Variants in CFAP276 observed in about 807,000 individuals in gnomAD.
CFAP276 encodes the protein cilia and flagella associated protein 276.
At chr1:109,108,155 T>C in the CFAP276 span, 1 of 786,270 alleles carries the variant, frequency 1.3e-6, no homozygotes, top group East Asian at 2.5e-5. Context: ...TTTTGTTTTA[T>C]TTTTTGAGAC....
chr1:109,107,851 C>G, the CFAP276 span: 14 of 1,297,522 alleles, frequency 1.1e-5, no homozygotes, highest in Admixed American at 2.2e-4. Context: ...GCATTCCACC[C>G]TGGGTGACAG....
chr1:109,105,953 C>T, the CFAP276 span: 1 of 1,107,770 alleles, frequency 9.0e-7, no homozygotes, highest in South Asian at 1.5e-5. Flanking sequence ...CTTCAGACTT[C>T]ATCTTGCACA....
chr1:109,112,710 G>T, the CFAP276 span: 10 of 1,547,844 alleles, frequency 6.5e-6, no homozygotes, highest in Non-Finnish European at 7.9e-6. Flanking sequence ...TAAGAGGGAT[G>T]GGAGGCCCGC....
the CFAP276 span, chr1:109,106,475 G>A: frequency 6.4e-7 from 1 of 1,574,170 alleles, no homozygotes; most frequent in Non-Finnish European, 8.7e-7. Flanking sequence ...CTGATTCATG[G>A]GTCCATTTAG....
the CFAP276 span, among the ~76,000 whole-genome samples, chr1:109,111,624 C>T: frequency 6.6e-6 from 1 of 152,190 alleles, no homozygotes; most frequent in Non-Finnish European, 1.5e-5. Flanking sequence ...CACTCCAGCC[C>T]TTCTAGACTA....
chr1:109,113,451 A>AGAGAGAGAGT, the CFAP276 span, among the ~76,000 whole-genome samples: 6 of 120,452 alleles, frequency 5.0e-5, no homozygotes, highest in East Asian at 1.4e-3. Flanking sequence ...AGAGAGAGAG[A>AGAGAGAGAGT]GAGAGAGAGA....
the CFAP276 span, chr1:109,106,900 G>T: frequency 2.1e-6 from 2 of 939,016 alleles, no homozygotes; most frequent in Non-Finnish European, 3.3e-6. Flanking sequence ...ACAGAAATTT[G>T]TATACAAATG....
chr1:109,107,741 C>G, the CFAP276 span, among the ~76,000 whole-genome samples: 12 of 128,190 alleles, frequency 9.4e-5, no homozygotes, highest in African/African-American at 3.9e-4. Flanking sequence ...AAAAAATTAG[C>G]TGCATGTCAT....
the CFAP276 span, chr1:109,112,776 G>T: frequency 6.7e-7 from 1 of 1,498,306 alleles, no homozygotes; most frequent in African/African-American, 1.4e-5. Context: ...TGTTTGGAGC[G>T]CTGGTTTCGG....
At chr1:109,113,442 GAGAGA>G in the CFAP276 span, among the ~76,000 whole-genome samples, 8 of 146,692 alleles carry the variant, frequency 5.5e-5, 1 homozygote, top group African/African-American at 1.5e-4. Context: ...GAGAGAGAGA[GAGAGA>G]GAGAGAGAGA....
At chr1:109,109,080 C>T in the CFAP276 span, among the ~76,000 whole-genome samples, 1 of 152,126 alleles carries the variant, frequency 6.6e-6, no homozygotes, top group African/African-American at 2.4e-5. Context: ...AGCACACTAC[C>T]TAACACATGG....
At chr1:109,109,191 G>T in the CFAP276 span, among the ~76,000 whole-genome samples, 1 of 152,076 alleles carries the variant, frequency 6.6e-6, no homozygotes, top group Non-Finnish European at 1.5e-5. Context: ...TCTCACCCCT[G>T]TAATCCCAGC....
chr1:109,110,244 T>C, the CFAP276 span, among the ~76,000 whole-genome samples: 1 of 152,238 alleles, frequency 6.6e-6, no homozygotes, highest in African/African-American at 2.4e-5. Context: ...TGTCGTGGTC[T>C]AGCTACCAGC....
the CFAP276 span, chr1:109,106,558 AT>A: frequency 1.2e-6 from 2 of 1,613,984 alleles, no homozygotes; most frequent in Non-Finnish European, 8.5e-7. Context: ...GATGCTGTGG[AT>A]GGACTCCTTT....
the CFAP276 span, among the ~76,000 whole-genome samples, chr1:109,109,029 A>C: frequency 2.0e-5 from 3 of 152,214 alleles, no homozygotes; most frequent in South Asian, 6.2e-4. Flanking sequence ...TTTCTTCATT[A>C]TATGTAAAAT....
At chr1:109,106,203 C>T in the CFAP276 span, 1 of 1,006,900 alleles carries the variant, frequency 9.9e-7, no homozygotes, top group Middle Eastern at 2.2e-4. Context: ...AGAAGCTTCT[C>T]ATAACAGCTG....
the CFAP276 span, among the ~76,000 whole-genome samples, chr1:109,110,077 G>A: frequency 2.0e-5 from 3 of 152,144 alleles, no homozygotes; most frequent in Admixed American, 1.3e-4. Context: ...AAGCATGAAT[G>A]CCATCTTTAC....
At chr1:109,112,736 C>A in the CFAP276 span, 1 of 1,539,162 alleles carries the variant, frequency 6.5e-7, no homozygotes, top group South Asian at 1.2e-5. Context: ...CGCAGCACAG[C>A]CTCACTGGCA....
the CFAP276 span, chr1:109,113,747 A>C: frequency 6.4e-7 from 1 of 1,558,432 alleles, no homozygotes; most frequent in Non-Finnish European, 8.8e-7. Context: ...CCTGGCCCGA[A>C]AGGGCAGTAG....
Sources: allele counts gnomAD v4.1 joint callset (sites outside exome capture counted in the v4.1 genomes callset), GRCh38; gene constraint gnomAD v4.1.1; transcripts MANE v1.5; gene names NCBI Gene and HGNC (gene_info 2026-07-23, HGNC 2026-07-21).